CELSR1: variants seen among roughly 807,000 people sequenced by gnomAD.
CELSR1 encodes cadherin EGF LAG seven-pass G-type receptor 1.
In CELSR1, 110 loss-of-function variants were observed where a neutral mutation model predicts 249.1. The ratio of observed to expected loss-of-function variants is 0.44; its 90% CI spans 0.38 to 0.52. The LOEUF (loss-of-function observed/expected upper bound fraction) is 0.52. CELSR1 is among the 20% of genes least tolerant of loss of function. The pLI, the probability that CELSR1 is intolerant of heterozygous loss-of-function variation, is 0.00. For missense variants in CELSR1, 4,109 were observed against 4,296.4 expected (o/e 0.96, Z 1.22); for synonymous variants, 2,113 against 1,900.0 (o/e 1.11, Z -2.92).
At position 46,437,768 on chromosome 22, in the gene CELSR1, AC is replaced by A. The variant is rs201847078; in HGVS notation, c.4406+1420del. Reference sequence around the variant, plus strand: ...ACTCCGTCTCAAAAAAAAAAAAAAAACTGATGGTTCCCAACTGTCGCCCAAA... The same window carrying A: ...ACTCCGTCTCAAAAAAAAAAAAAAAATGATGGTTCCCAACTGTCGCCCAAA... On this transcript the variant is annotated intron_variant, in intron 3 of 34. Coordinates refer to ENST00000674500, the MANE Select transcript of CELSR1 (RefSeq NM_001378328.1). The surrounding 1 kb of genome is among the most constrained non-coding windows in gnomAD (Gnocchi z 4.9). 0.016 allele frequency among the ~76,000 whole-genome samples: 2,494 copies of A among 151,654 alleles called. 73 individuals are homozygous for A. Among genetic ancestry groups the A allele is most frequent in the African/African-American group, 0.058 (2,390 of 41,050 alleles).
intron 12 of CELSR1, 43 bp downstream of exon 12, chr22:46,397,631 G>C: frequency 7.1e-7 from 1 of 1,404,852 alleles, no homozygotes; most frequent in South Asian, 1.6e-5. Flanking sequence ...TCAGCCATAA[G>C]AGACCTCCCT....
chr22:46,447,929 T>C lies in CELSR1; in HGVS notation c.4184-8518A>G, dbSNP rs2079838782. 1.3e-5 allele frequency among the ~76,000 whole-genome samples: 2 copies of C among 152,188 alleles called. No individual in the cohort carries two copies. The highest frequency in any genetic ancestry group is 4.8e-5 in the African/African-American group (2 of 41,452). On this transcript the variant is annotated intron_variant, in intron 2 of 34. Transcript: ENST00000674500. This position sits in a 1 kb window ranked among gnomAD's most constrained non-coding sequence, Gnocchi z 4.7. ...GCCACCACACCCGGCCAGAAAAGCATTCTTAACGGCAAAAGAAAAGCTCCC... is the reference window on the plus strand; with the variant it reads ...GCCACCACACCCGGCCAGAAAAGCACTCTTAACGGCAAAAGAAAAGCTCCC...
In CELSR1 at chr22:46,534,926, G is replaced by A. The variant is rs768903477; in HGVS notation, c.2245C>T (p.Pro749Ser). 6.2e-6 allele frequency: 10 copies of A among 1,612,502 alleles called. No individual in the cohort carries two copies. The South Asian group carries it at 7.7e-5, about 12-fold the overall frequency. Residue 749 changes from proline to serine, a missense_variant, in exon 1 of 35, where the codon CCT becomes TCT. This residue lies in a region of CELSR1 where 886 missense variants were observed against 896.5 expected (regional missense o/e 0.99). Coordinates refer to ENST00000674500, the MANE Select transcript of CELSR1 (RefSeq NM_001378328.1). This position sits in a 1 kb window ranked among gnomAD's most constrained non-coding sequence, Gnocchi z 9.7. ...TGCTGCTCCTGCTTGTAGTCCAGAG[G>A]TAGCGCCAGGGTGATGAGGCCGCCC... ...RGGGLITLAL[P>S]LDYKQEQQYV...
intron 1 of CELSR1, among the ~76,000 whole-genome samples, chr22:46,532,691 C>T (rs1285947686): frequency 6.6e-6 from 1 of 152,214 alleles, no homozygotes; most frequent in African/African-American, 2.4e-5. Flanking sequence ...CACCTGCCTG[C>T]ACCAGCATCC....
In CELSR1 at chr22:46,430,428, C is replaced by T. The variant is rs185457241; in HGVS notation, c.4611+2965G>A. 1.3e-5 allele frequency among the ~76,000 whole-genome samples: 2 copies of T among 152,026 alleles called. No individual in the cohort carries two copies. Among genetic ancestry groups the T allele is most frequent in the African/African-American group, 4.8e-5 (2 of 41,356 alleles). The stretch of plus-strand genomic sequence containing the variant: ...GCATCAGCCAAGGCAGGCAGGGACG[C>T]GTGTGCAGGGGGGTTCCCTCGGCAG... On this transcript the variant is annotated intron_variant, in intron 5 of 34. Coordinates refer to ENST00000674500, the MANE Select transcript of CELSR1 (RefSeq NM_001378328.1). This position sits in a 1 kb window ranked among gnomAD's most constrained non-coding sequence, Gnocchi z 4.6.
chr22:46,512,691 C>A lies in CELSR1; in HGVS notation c.3544+20936G>T, dbSNP rs550412728. Among the ~76,000 whole-genome samples, 2 of 152,334 alleles carry A rather than the reference C, an allele frequency of 1.3e-5. No individual in the cohort carries two copies. Among genetic ancestry groups the A allele is most frequent in the South Asian group, 4.1e-4 (2 of 4,826 alleles). ...CCCACTCTGCTCCTTCGGATAAGATCCCTCCACAGTCAACCCTTCTTGTCA... is the reference window on the plus strand; with the variant it reads ...CCCACTCTGCTCCTTCGGATAAGATACCTCCACAGTCAACCCTTCTTGTCA... On this transcript the variant is annotated intron_variant, in intron 1 of 34. Transcript: ENST00000674500. This position sits in a 1 kb window ranked among gnomAD's most constrained non-coding sequence, Gnocchi z 5.2.
intron 5 of CELSR1, among the ~76,000 whole-genome samples, chr22:46,425,329 C>T (rs2079524700): frequency 6.6e-6 from 1 of 152,172 alleles, no homozygotes; most frequent in African/African-American, 2.4e-5. Context: ...GGGAAGTGCT[C>T]TCTATTTTCT....
Position 46,473,867 on chromosome 22 carries a change from T to C in CELSR1, c.3545-9522A>G, listed in dbSNP as rs148242113. 3.6e-4 allele frequency among the ~76,000 whole-genome samples: 55 copies of C among 152,252 alleles called. 1 individual carries two copies. Among genetic ancestry groups the C allele is most frequent in the African/African-American group, 1.1e-3 (44 of 41,520 alleles). Reference sequence around the variant, plus strand: ...GATTGGGGCCAGACAACAGGTGCGATGTGTTGATCCTGCTACCTGAGGGCG... The same window carrying C: ...GATTGGGGCCAGACAACAGGTGCGACGTGTTGATCCTGCTACCTGAGGGCG... On this transcript the variant is annotated intron_variant, in intron 1 of 34. Transcript: ENST00000674500. The surrounding 1 kb of genome is among the most constrained non-coding windows in gnomAD (Gnocchi z 6.6).
At chr22:46,419,239 G>C (rs932361414) in intron 5 of CELSR1, among the ~76,000 whole-genome samples, 1 of 152,150 alleles carries the variant, frequency 6.6e-6, no homozygotes, top group African/African-American at 2.4e-5. Flanking sequence ...TGCTCAGAGG[G>C]GGGTCTTCTT....
rs1383709575 is a variant in CELSR1 at position 46,430,179 on chromosome 22, G to A, written c.4611+3214C>T. Among the ~76,000 whole-genome samples the A allele has an allele frequency of 2.0e-5, 3 of 152,214 alleles. No individual in the cohort carries two copies. The highest frequency in any genetic ancestry group is 1.9e-4 in the East Asian group (1 of 5,192). On this transcript the variant is annotated intron_variant, in intron 5 of 34. Transcript: ENST00000674500. The surrounding 1 kb of genome is among the most constrained non-coding windows in gnomAD (Gnocchi z 4.6). ...CAGAGACACAGCCACTCTGGAGGGC[G>A]GGGGACAGAGAACGAGACTGAAGAG...
chr22:46,456,631 T>C (rs368601614), intron 2 of CELSR1, among the ~76,000 whole-genome samples: 2,524 of 132,054 alleles, frequency 0.019, 25 homozygotes, highest in East Asian at 0.033. Context: ...CCGCTGCACT[T>C]CAGCCTGGGC....
At chr22:46,373,448 C>CT (rs1236775401) in intron 24 of CELSR1, among the ~76,000 whole-genome samples, 4 of 111,636 alleles carry the variant, frequency 3.6e-5, no homozygotes, top group African/African-American at 7.1e-5. Flanking sequence ...ACCCAGTGCT[C>CT]GGGGTTGGGG....
At position 46,436,472 on chromosome 22, in the gene CELSR1, T is replaced by C. The variant is rs2079662762; in HGVS notation, c.4407-183A>G. On this transcript the variant is annotated intron_variant, in intron 3 of 34. Coordinates refer to ENST00000674500, the MANE Select transcript of CELSR1 (RefSeq NM_001378328.1). This position sits in a 1 kb window ranked among gnomAD's most constrained non-coding sequence, Gnocchi z 5.9. ...CCATCAAGCTTGATAAGCAGGGTTC[T>C]TTTCTGGAAGCAGCAAACCAGAATC... 6.6e-6 allele frequency among the ~76,000 whole-genome samples: 1 copy of C among 152,182 alleles called. No homozygotes were observed. Among genetic ancestry groups the C allele is most frequent in the African/African-American group, 2.4e-5 (1 of 41,440 alleles).
Position 46,398,400 on chromosome 22 carries a change from T to A in CELSR1, c.5526+124A>T. ...GGAGCTGTTAAAGTGGGGATGCCTG[T>A]CAGACAAATTCTTCACTCGTTGAAA... On this transcript the variant is annotated intron_variant, in intron 11 of 34. Coordinates refer to ENST00000674500, the MANE Select transcript of CELSR1 (RefSeq NM_001378328.1). The surrounding 1 kb of genome is among the most constrained non-coding windows in gnomAD (Gnocchi z 7.2). The A allele has an allele frequency of 1.6e-6, 1 of 643,686 alleles. No individual in the cohort carries two copies. The highest frequency in any genetic ancestry group is 2.7e-6 in the Non-Finnish European group (1 of 375,844). The allele number at this position is 643,686 out of a possible 1,614,324, so 39.9% of individuals were successfully genotyped here. A position where few individuals can be genotyped will look rare whatever the true frequency, so the allele number is the denominator to read the frequency against.
intron 25 of CELSR1, among the ~76,000 whole-genome samples, chr22:46,372,013 A>G (rs2078857605): frequency 7.1e-6 from 1 of 141,616 alleles, no homozygotes; most frequent in African/African-American, 2.7e-5. Context: ...TCATCCATCT[A>G]TTCACCCATC....
chr22:46,419,842 C>T (rs1258893673), intron 5 of CELSR1, among the ~76,000 whole-genome samples: 2 of 151,946 alleles, frequency 1.3e-5, no homozygotes, highest in East Asian at 3.9e-4. Context: ...CCCACGCTCA[C>T]GTGCATACCC....
rs2079172079 is a variant in CELSR1 at position 46,398,199 on chromosome 22, A to T, written c.5526+325T>A. 6.6e-6 allele frequency among the ~76,000 whole-genome samples: 1 copy of T among 151,674 alleles called. No individual in the cohort carries two copies. Among genetic ancestry groups the T allele is most frequent in the Non-Finnish European group, 1.5e-5 (1 of 67,908 alleles). On this transcript the variant is annotated intron_variant, in intron 11 of 34. Transcript: ENST00000674500. The surrounding 1 kb of genome is among the most constrained non-coding windows in gnomAD (Gnocchi z 7.2). ...GCTCCAGGGGACAGGCACGGGGCCC[A>T]CTTGGGTGACGTCTGTGGTTGGACT... is the stretch of plus-strand genomic sequence containing the variant.
intron 2 of CELSR1, among the ~76,000 whole-genome samples, chr22:46,452,920 G>C (rs2079902802): frequency 6.6e-6 from 1 of 152,238 alleles, no homozygotes; most frequent in African/African-American, 2.4e-5. Flanking sequence ...GGGGCCATGG[G>C]GTTGGGCACA....
rs929483692 is a variant in CELSR1 at position 46,473,607 on chromosome 22, C to T, written c.3545-9262G>A. Among the ~76,000 whole-genome samples, 2 of 152,190 alleles carry T rather than the reference C, an allele frequency of 1.3e-5. No individual in the cohort carries two copies. Among genetic ancestry groups the T allele is most frequent in the African/African-American group, 2.4e-5 (1 of 41,444 alleles). The stretch of plus-strand genomic sequence containing the variant: ...TGGTTAGGGCAGCCCATGATGCCCT[C>T]GGGGTCCAGAGTCATTCCCCGTGGC... On this transcript the variant is annotated intron_variant, in intron 1 of 34. Coordinates refer to ENST00000674500, the MANE Select transcript of CELSR1 (RefSeq NM_001378328.1). The surrounding 1 kb of genome is among the most constrained non-coding windows in gnomAD (Gnocchi z 6.6).
Sources: allele counts gnomAD v4.1 joint callset (sites outside exome capture counted in the v4.1 genomes callset), GRCh38; gene constraint gnomAD v4.1.1; regional missense constraint gnomAD v4.1.1; non-coding constraint Gnocchi (gnomAD v3.1); transcripts MANE v1.5; gene names NCBI Gene and HGNC (gene_info 2026-07-23, HGNC 2026-07-21).